The following TACC2 variants were observed in gnomAD, a reference collection of about 807,000 sequenced individuals.
TACC2 encodes the protein transforming acidic coiled-coil-containing protein 2.
In TACC2, 137 loss-of-function variants were observed where a neutral mutation model predicts 227.3. The ratio of observed to expected loss-of-function variants is 0.60; its 90% confidence interval spans 0.52 to 0.69. The LOEUF (loss-of-function observed/expected upper bound fraction) is 0.69. Ranked by LOEUF, TACC2 falls within the 30% of genes least tolerant of loss-of-function variation. The pLI is 0.00. For missense variants in TACC2, 3,470 were observed against 3,694.4 expected (o/e 0.94, Z 1.57); for synonymous variants, 1,523 against 1,487.5 (o/e 1.02, Z -0.55).
At position 122,249,789 on chromosome 10, in the gene TACC2, A is replaced by G. The variant is rs543555269; in HGVS notation, c.8781+125A>G. The G allele has an allele frequency of 2.5e-5, 29 of 1,180,174 alleles. No homozygotes were observed. In the East Asian group the frequency reaches 7.3e-4, roughly 30 times the overall value. The allele number at this position is 1,180,174 out of a possible 1,614,324, so 73.1% of individuals were successfully genotyped here. ...GCTCCTGAAGACGAATTCATGCTTC[A>G]TGAGCATACCCTTGGTTCCTTCTAG... is the stretch of plus-strand genomic sequence containing the variant. On this transcript the variant is annotated intron_variant, in intron 22 of 22. Transcript: ENST00000369005.
chr10:122,195,417 A>T (rs1287725622), intron 8 of TACC2, among the ~76,000 whole-genome samples: 2 of 152,124 alleles, frequency 1.3e-5, no homozygotes, highest in Non-Finnish European at 2.9e-5. Flanking sequence ...TTGGGTTTGG[A>T]GGAGGGCAGT....
chr10:122,064,589 A>T (rs1198340414), intron 3 of TACC2, among the ~76,000 whole-genome samples: 2 of 152,266 alleles, frequency 1.3e-5, no homozygotes, highest in East Asian at 3.9e-4. Context: ...GTTTCCAAGA[A>T]CCACTGGACA....
intron 12 of TACC2, 95 bp downstream of exon 12, chr10:122,224,882 CA>C (rs2095594498): frequency 9.9e-7 from 1 of 1,009,528 alleles, no homozygotes; most frequent in African/African-American, 1.6e-5. Context: ...GCTCAGACCC[CA>C]AATCGAGTGT....
At chr10:121,996,301 C>A (rs901103368) in intron 1 of TACC2, among the ~76,000 whole-genome samples, 5 of 152,156 alleles carry the variant, frequency 3.3e-5, no homozygotes, top group Non-Finnish European at 7.3e-5. Flanking sequence ...AGCGATCATC[C>A]TGCCTCGACC....
At chr10:122,103,910 A>T (rs74158496) in intron 5 of TACC2, among the ~76,000 whole-genome samples, 9,725 of 152,216 alleles carry the variant, frequency 0.064, 711 homozygotes, top group African/African-American at 0.18. Flanking sequence ...CCTCATGGAG[A>T]CCATGCTCTG....
At position 122,012,474 on chromosome 10, in the gene TACC2, G is replaced by A. The variant is rs573153017; in HGVS notation, c.-45-9463G>A. ...TCGCCATGTTGGCCAGGCTGATCTC[G>A]AACTCTTGACCTCAGGTGATCGGCC... On this transcript the variant is annotated intron_variant, in intron 1 of 22. Coordinates refer to ENST00000369005, the MANE Select transcript of TACC2 (RefSeq NM_206862.4). Among the ~76,000 whole-genome samples the A allele has an allele frequency of 8.8e-5, 13 of 147,416 alleles. No homozygotes were observed. The East Asian group carries it at 1.3e-3, about 14-fold the overall frequency.
At chr10:122,017,463 C>G (rs1956803363) in intron 1 of TACC2, among the ~76,000 whole-genome samples, 1 of 152,120 alleles carries the variant, frequency 6.6e-6, no homozygotes, top group Non-Finnish European at 1.5e-5. Context: ...TGAAGACTTG[C>G]CGCCATTCCC....
In TACC2 at chr10:122,087,427, G is replaced by C; in HGVS notation, c.4927G>C (p.Val1643Leu). The C allele has an allele frequency of 6.2e-7, 1 of 1,614,052 alleles. No individual in the cohort carries two copies. The highest frequency in any genetic ancestry group is 8.5e-7 in the Non-Finnish European group (1 of 1,180,042). The change falls in exon 4 of 23, where the codon GTG becomes CTG. Residue 1643 changes from valine to leucine, a missense_variant. Physicochemically the swap from Val to Leu is conservative, Grantham distance 32. This residue lies in a region of TACC2 where 1,924 missense variants were observed against 1,978.3 expected (regional missense o/e 0.97). Coordinates refer to ENST00000369005, the MANE Select transcript of TACC2 (RefSeq NM_206862.4). ...TTCTCCTCAGAGGGAGGTTTTGACT[G>C]TGCCTGAGGCCAACAGTGAGCCCTG... The part of the protein sequence containing the change: ...APSPQREVLT[V>L]PEANSEPWTL...
In TACC2 at chr10:122,086,028, C is replaced by T; in HGVS notation, c.3528C>T (p.Ala1176=). Residue 1176 remains alanine (A), a synonymous_variant, in exon 4 of 23, where the codon GCC becomes GCT. Transcript: ENST00000369005. ...LTSGEEASTS[A]LRESCQAEHP... is the part of the protein sequence containing the mutation. ...CCGGGGAGGAAGCTTCTACCTCTGC[C>T]CTACGTGAGTCCTGCCAAGCTGAGC... The T allele has an allele frequency of 6.2e-7, 1 of 1,613,932 alleles. No homozygotes were observed. Among genetic ancestry groups the T allele is most frequent in the Non-Finnish European group, 8.5e-7 (1 of 1,180,022 alleles).
chr10:122,158,385 A>C (rs2092618946), intron 7 of TACC2, among the ~76,000 whole-genome samples: 1 of 150,714 alleles, frequency 6.6e-6, no homozygotes. Flanking sequence ...CGAGAGCGAG[A>C]CTCCATCTCA....
At chr10:122,224,034 C>T (rs1217647510) in intron 11 of TACC2, among the ~76,000 whole-genome samples, 1 of 152,148 alleles carries the variant, frequency 6.6e-6, no homozygotes, top group Admixed American at 6.5e-5. Flanking sequence ...TTTCCAGGTA[C>T]TCGAGGCAGG....
rs1734080812 is a variant in TACC2, at chr10:122,085,152, TAAC to T, written c.2656_2658del (p.Asn886del). 1 of 1,614,108 alleles carries T rather than the reference TAAC, an allele frequency of 6.2e-7. No individual in the cohort carries two copies. Among genetic ancestry groups the T allele is most frequent in the African/African-American group, 1.3e-5 (1 of 75,036 alleles). On this transcript the variant is annotated inframe_deletion, in exon 4 of 23. Transcript: ENST00000369005. ...ATGTACCTGTGGAACCTCAGGAAGA[TAAC>T]AACTTGCCCACTCATGGAGGACAGG...
Position 122,211,661 on chromosome 10 carries a change from G to C in TACC2, c.7236G>C (p.Gly2412=). The C allele has an allele frequency of 1.3e-6, 2 of 1,590,830 alleles. No individual in the cohort carries two copies. The highest frequency in any genetic ancestry group is 1.7e-6 in the Non-Finnish European group (2 of 1,172,506). ...ASAMEANGVD[G]DGLNKPAKKK... is the part of the protein sequence containing the mutation. Reference sequence around the variant, plus strand: ...CTATGGAAGCCAATGGAGTGGACGGGGATGGGCTAAACAAGCCCGCCAAGA... The same window carrying C: ...CTATGGAAGCCAATGGAGTGGACGGCGATGGGCTAAACAAGCCCGCCAAGA... The change falls in exon 9 of 23, where the codon GGG becomes GGC. Residue 2412 remains glycine, a synonymous_variant. Coordinates refer to ENST00000369005, the MANE Select transcript of TACC2 (RefSeq NM_206862.4).
intron 2 of TACC2, among the ~76,000 whole-genome samples, chr10:122,028,084 CTTTT>C (rs59135261): frequency 1.5e-4 from 14 of 91,708 alleles, no homozygotes; most frequent in East Asian, 1.1e-3. Context: ...TTCTTTCTTT[CTTTT>C]TTTTTTTTTT....
intron 14 of TACC2, among the ~76,000 whole-genome samples, chr10:122,228,500 C>T (rs1314899889): frequency 6.6e-6 from 1 of 152,176 alleles, no homozygotes; most frequent in Non-Finnish European, 1.5e-5. Flanking sequence ...ACCCCCCAGT[C>T]CCTGCACAGC....
intron 3 of TACC2, among the ~76,000 whole-genome samples, chr10:122,076,479 C>T (rs758780803): frequency 4.6e-5 from 7 of 152,184 alleles, no homozygotes; most frequent in Non-Finnish European, 1.5e-5. Flanking sequence ...TTTCCTTTTC[C>T]AGAAGGCACA....
chr10:122,088,720 A>T (rs1323076495), intron 5 of TACC2, 129 bp downstream of exon 5: 2 of 1,543,880 alleles, frequency 1.3e-6, no homozygotes, highest in Admixed American at 3.9e-5. Context: ...GCAAATGGCC[A>T]TTCCCGTTTT....
chr10:122,192,948 T>C (rs2094458517), intron 7 of TACC2, among the ~76,000 whole-genome samples: 1 of 152,212 alleles, frequency 6.6e-6, no homozygotes, highest in African/African-American at 2.4e-5. Context: ...TGCTCCTCAG[T>C]TGTGTGACCT....
chr10:122,087,004 G>T lies in TACC2; in HGVS notation c.4504G>T (p.Gly1502Trp), dbSNP rs748013331. The change falls in exon 4 of 23, where the codon GGG becomes TGG. Residue 1502 changes from glycine to tryptophan, a missense_variant. Physicochemically the swap from Gly to Trp is radical, Grantham distance 184. Around this residue, in one of 10 missense-constraint regions of TACC2, gnomAD observed 1,924 missense variants for 1,978.3 expected, o/e 0.97. Transcript: ENST00000369005. ...TTCAGACAAGCTTCTGGGTCCAGCA[G>T]GGCTGACCTGGGAGCGGAACTTGCC... Reference protein sequence around the residue: ...PASDKLLGPAGLTWERNLPGA... With the variant: ...PASDKLLGPAWLTWERNLPGA... The T allele has an allele frequency of 3.1e-6, 5 of 1,613,952 alleles. No individual in the cohort carries two copies. In the East Asian group the frequency reaches 1.1e-4, roughly 36 times the overall value.
Sources: gnomAD v4.1 joint callset for allele counts (sites outside exome capture counted in the v4.1 genomes callset) on GRCh38, gnomAD v4.1.1 for gene constraint, gnomAD v4.1.1 regional missense constraint, MANE v1.5 for transcripts, NCBI Gene and HGNC (gene_info 2026-07-23, HGNC 2026-07-21) for gene names.